The following PDXDC1 variants were observed in gnomAD, a reference collection of about 807,000 sequenced individuals.
PDXDC1 encodes the protein pyridoxal-dependent decarboxylase domain-containing protein 1.
A neutral mutation model predicts 100.1 loss-of-function variants in PDXDC1; 42 were observed. The ratio of observed to expected loss-of-function variants is 0.42; its 90% CI spans 0.33 to 0.54. PDXDC1 has a LOEUF of 0.54. PDXDC1 is among the 20% of genes least tolerant of loss of function. The pLI, the probability that PDXDC1 is intolerant of heterozygous loss-of-function variation, is 0.10. For synonymous variants in PDXDC1, 260 were observed against 371.7 expected, an observed-to-expected ratio of 0.70 and a Z score of 3.46; for missense variants, 636 against 979.2, an observed-to-expected ratio of 0.65 and a Z score of 4.68.
intron 5 of PDXDC1, among the ~76,000 whole-genome samples, chr16:15,005,957 A>G (rs943808494): frequency 2.6e-5 from 4 of 152,290 alleles, no homozygotes; most frequent in Admixed American, 2.0e-4. Flanking sequence ...CAAAGTGCTG[A>G]GATTACAGGC....
Position 15,035,493 on chromosome 16 carries a change from G to A in PDXDC1, c.2047G>A (p.Gly683Ser). 1 of 1,612,330 alleles carries A rather than the reference G, an allele frequency of 6.2e-7. No individual in the cohort carries two copies. The highest frequency in any genetic ancestry group is 8.5e-7 in the Non-Finnish European group (1 of 1,179,454). Reference sequence around the variant, plus strand: ...ACCCATATATGTCTACAAAGCACAAGGTGCAGGAGTCACGCTGCCTCCAAC... The same window carrying A: ...ACCCATATATGTCTACAAAGCACAAAGTGCAGGAGTCACGCTGCCTCCAAC... ...TEPIYVYKAQ[G>S]AGVTLPPTPS... Residue 683 changes from glycine (G) to serine (S), a missense_variant, in exon 22 of 23, where the codon GGT becomes AGT. Around this residue, in one of 4 missense-constraint regions of PDXDC1, gnomAD observed 452 missense variants for 402.9 expected, o/e 1.12. Transcript: ENST00000396410.
intron 16 of PDXDC1, among the ~76,000 whole-genome samples, chr16:15,031,142 A>G (rs1186303592): frequency 3.2e-5 from 4 of 124,276 alleles, no homozygotes; most frequent in Admixed American, 9.4e-5. Flanking sequence ...TTTTCCATAG[A>G]GACGTGGTCT....
intron 16 of PDXDC1, chr16:15,135,286 G>A: frequency 6.9e-7 from 1 of 1,451,504 alleles, no homozygotes; most frequent in East Asian, 2.5e-5. Context: ...CCACCGTCTG[G>A]TTGGTGGCCT....
At chr16:15,013,662 G>C (rs2041534811) in intron 8 of PDXDC1, among the ~76,000 whole-genome samples, 1 of 152,228 alleles carries the variant, frequency 6.6e-6, no homozygotes, top group Non-Finnish European at 1.5e-5. Context: ...AGATCACAAG[G>C]TCAGGAGTTC....
In PDXDC1 at chr16:15,086,195, G is replaced by C. The variant is rs2045910524; in HGVS notation, c.1400-52684G>C. 3.8e-6 allele frequency: 6 copies of C among 1,592,650 alleles called. No homozygotes were observed. The highest frequency in any genetic ancestry group is 1.7e-6 in the Non-Finnish European group (2 of 1,165,100). On this transcript the variant is annotated intron_variant, in intron 16 of 16. Coordinates refer to the PDXDC1 transcript ENST00000535621. ...AGGAAAACAGTCTGTGCTGATACAA[G>C]ATTACCAAGAAAAGCCAAATACTCT...
chr16:14,975,064 G>C lies in PDXDC1; in HGVS notation c.-136G>C. The C allele has an allele frequency of 6.6e-7, 1 of 1,511,558 alleles. No homozygotes were observed. Among genetic ancestry groups the C allele is most frequent in the Non-Finnish European group, 8.8e-7 (1 of 1,138,054 alleles). The allele number at this position is 1,511,558 out of a possible 1,614,324, so 93.6% of individuals were successfully genotyped here. ...GGTTCGGCAGCCCGCGGCGCCGCCT[G>C]GCAGCTCCTCCTCTTCTCCGCCCCG... On this transcript the variant is annotated 5_prime_UTR_variant, in exon 1 of 23. Transcript: ENST00000396410.
At chr16:15,004,993 C>T (rs1292744614) in intron 5 of PDXDC1, among the ~76,000 whole-genome samples, 2 of 152,270 alleles carry the variant, frequency 1.3e-5, no homozygotes, top group Non-Finnish European at 2.9e-5. Context: ...TGGTTGAATC[C>T]ACAGATGCAG....
Position 14,975,149 on chromosome 16 carries a change from G to A in PDXDC1, c.-51G>A. ...GCGTGGAAGGAGCTGCGGGGCGCGG[G>A]AGGAGGAAGTAGAGCCCGGGACCGC... On this transcript the variant is annotated 5_prime_UTR_variant, in exon 1 of 23. Coordinates refer to ENST00000396410, the MANE Select transcript of PDXDC1 (RefSeq NM_015027.4). 6.8e-7 allele frequency: 1 copy of A among 1,467,154 alleles called. No individual in the cohort carries two copies. The highest frequency in any genetic ancestry group is 8.9e-7 in the Non-Finnish European group (1 of 1,119,566). The allele number at this position is 1,467,154 out of a possible 1,614,324, so 90.9% of individuals were successfully genotyped here. A position where few individuals can be genotyped will look rare whatever the true frequency, so the allele number is the denominator to read the frequency against.
chr16:15,044,582 C>T (rs1040586176), intron 16 of PDXDC1: 8 of 606,590 alleles, frequency 1.3e-5, no homozygotes, highest in Admixed American at 2.9e-5. Context: ...AGGCCAGTGG[C>T]GAGCTTCTGG....
intron 16 of PDXDC1, among the ~76,000 whole-genome samples, chr16:15,081,041 A>AT (rs2151802295): frequency 6.6e-6 from 1 of 152,330 alleles, no homozygotes; most frequent in East Asian, 1.9e-4. Flanking sequence ...TTAGGGTCCA[A>AT]TCATGTTGTA....
chr16:15,068,927 T>G (rs1472121689), intron 16 of PDXDC1, among the ~76,000 whole-genome samples: 1 of 152,192 alleles, frequency 6.6e-6, no homozygotes, highest in Non-Finnish European at 1.5e-5. Flanking sequence ...GATACGTATT[T>G]CAATAAAAAT....
chr16:15,141,891 C>T (rs2048481014), downstream of PDXDC1, among the ~76,000 whole-genome samples: 1 of 152,196 alleles, frequency 6.6e-6, no homozygotes, highest in Admixed American at 6.5e-5. Flanking sequence ...GCAGTTAGAC[C>T]TGAGGAGGGA....
chr16:15,129,576 G>C (rs1598226805), intron 16 of PDXDC1, among the ~76,000 whole-genome samples: 1 of 152,350 alleles, frequency 6.6e-6, no homozygotes, highest in East Asian at 1.9e-4. Flanking sequence ...AGTCAGGATC[G>C]CGGGTGGATG....
chr16:15,105,037 C>T (rs1395881988), intron 16 of PDXDC1, among the ~76,000 whole-genome samples: 1 of 144,286 alleles, frequency 6.9e-6, no homozygotes, highest in Non-Finnish European at 1.5e-5. Flanking sequence ...CCAGGGAAGA[C>T]AGAGTCATAA....
At chr16:15,128,221 C>T (rs776188412) in intron 16 of PDXDC1, 236 of 1,611,118 alleles carry the variant, frequency 1.5e-4, no homozygotes, top group Non-Finnish European at 1.8e-4. Flanking sequence ...TCCGCACAGA[C>T]CTTTGTCGTG....
chr16:15,017,284 C>G (rs772992265), intron 10 of PDXDC1, 37 bp from the exon 11 acceptor site: 6 of 1,592,040 alleles, frequency 3.8e-6, no homozygotes, highest in Non-Finnish European at 3.4e-6. Context: ...TTTGTGTATT[C>G]TGATAATCTA....
At chr16:15,022,586 AGTGGCAGGT>A in intron 12 of PDXDC1, 109 bp from the exon 13 acceptor site, 1 of 812,772 alleles carries the variant, frequency 1.2e-6, no homozygotes, top group Non-Finnish European at 1.9e-6. Context: ...GAAACCACCA[AGTGGCAGGT>A]GACTTTGCCT....
In PDXDC1 at chr16:15,111,489, G is replaced by A. The variant is rs917319387; in HGVS notation, c.1400-27390G>A. 1.1e-4 allele frequency among the ~76,000 whole-genome samples: 16 copies of A among 147,522 alleles called. 1 individual carries two copies. The highest frequency in any genetic ancestry group is 1.5e-5 in the Non-Finnish European group (1 of 66,292). ...AAAAAAAAAAAATAGGCCAGGTGTG[G>A]TAGCTCACGCCTGTAATCCTAGCAC... On this transcript the variant is annotated intron_variant, in intron 16 of 16. Transcript: ENST00000535621.
intron 16 of PDXDC1, among the ~76,000 whole-genome samples, chr16:15,059,708 T>C (rs1308612776): frequency 6.6e-6 from 1 of 152,202 alleles, no homozygotes; most frequent in Non-Finnish European, 1.5e-5. Context: ...TGTTGGCATG[T>C]AATTTATAAG....
Sources: allele counts gnomAD v4.1 joint callset (sites outside exome capture counted in the v4.1 genomes callset), GRCh38; gene constraint gnomAD v4.1.1; regional missense constraint gnomAD v4.1.1; transcripts MANE v1.5; gene names NCBI Gene and HGNC (gene_info 2026-07-23, HGNC 2026-07-21).